CNTN5: variants seen among roughly 807,000 people sequenced by gnomAD.
CNTN5 encodes the protein contactin-5.
In CNTN5, 77 loss-of-function variants were observed where a neutral mutation model predicts 129.1. That is an observed-to-expected ratio of 0.60 (90% CI 0.50 to 0.72). The LOEUF is 0.72. Ranked by LOEUF, CNTN5 falls within the 30% of genes least tolerant of loss-of-function variation. The probability of loss-of-function intolerance (pLI) is 0.00; values close to 1 mark genes in which losing one functional copy is unlikely to be tolerated. For synonymous variants in CNTN5, 509 were observed against 465.6 expected (o/e 1.09, Z -1.20); for missense variants, 1,478 against 1,328.8 (o/e 1.11, Z -1.75).
rs1029761448 is a variant in CNTN5 at position 99,540,911 on chromosome 11, A to G, written c.-70-15234A>G. Among the ~76,000 whole-genome samples the G allele has an allele frequency of 3.9e-4, 60 of 152,300 alleles. 2 individuals carry two copies. The highest frequency in any genetic ancestry group is 1.3e-3 in the African/African-American group (55 of 41,586). ...TTTAGAAGTATCTTGATAAACATCC[A>G]AAGCAGTCTGAAATGTATTCTGTAG... On this transcript the variant is annotated intron_variant, in intron 2 of 24. Transcript: ENST00000524871.
At chr11:99,287,169 A>C (rs11219205) in intron 1 of CNTN5, among the ~76,000 whole-genome samples, 2,160 of 152,268 alleles carry the variant, frequency 0.014, 24 homozygotes, top group Middle Eastern at 0.037. Context: ...AAAACTCAGA[A>C]TACTGTAAGT....
chr11:99,317,996 T>G (rs1865414953), intron 1 of CNTN5, among the ~76,000 whole-genome samples: 1 of 152,142 alleles, frequency 6.6e-6, no homozygotes, highest in Admixed American at 6.6e-5. Context: ...GGTGGTGTGG[T>G]CCTAGACTGA....
chr11:99,232,166 T>C (rs569962825), intron 1 of CNTN5, among the ~76,000 whole-genome samples: 1 of 152,284 alleles, frequency 6.6e-6, no homozygotes, highest in East Asian at 1.9e-4. Flanking sequence ...TTTAAAATAG[T>C]TTTTCTCTAA....
intron 9 of CNTN5, among the ~76,000 whole-genome samples, chr11:100,032,079 C>T (rs1322333762): frequency 6.6e-6 from 1 of 152,146 alleles, no homozygotes; most frequent in Non-Finnish European, 1.5e-5. Flanking sequence ...TCTAATGCAC[C>T]TAACCATATA....
intron 2 of CNTN5, among the ~76,000 whole-genome samples, chr11:99,370,953 G>T (rs1482263290): frequency 1.3e-5 from 2 of 152,178 alleles, no homozygotes; most frequent in Non-Finnish European, 2.9e-5. Flanking sequence ...GGGTATTCGT[G>T]GCACTTGATT....
chr11:99,857,151 G>A (rs913907890), intron 6 of CNTN5, among the ~76,000 whole-genome samples: 2 of 150,130 alleles, frequency 1.3e-5, no homozygotes, highest in African/African-American at 4.9e-5. Context: ...TATTTCTGGT[G>A]ACATTTCATT....
At chr11:99,973,720 TTTA>T (rs1937737569) in intron 8 of CNTN5, among the ~76,000 whole-genome samples, 1 of 152,218 alleles carries the variant, frequency 6.6e-6, no homozygotes, top group Admixed American at 6.5e-5. Context: ...GGATTCTGGA[TTTA>T]TTATTTTGTG....
chr11:99,945,863 C>T (rs1831051256), intron 7 of CNTN5, among the ~76,000 whole-genome samples: 1 of 152,050 alleles, frequency 6.6e-6, no homozygotes. Flanking sequence ...ACTTAATACA[C>T]ATTTCATGTC....
intron 12 of CNTN5, among the ~76,000 whole-genome samples, chr11:100,073,073 A>G (rs1943992402): frequency 6.9e-6 from 1 of 145,514 alleles, no homozygotes; most frequent in Non-Finnish European, 1.5e-5. Flanking sequence ...CTTTGAGACA[A>G]AATCTCACTG....
At chr11:99,311,148 C>G (rs1428961570) in intron 1 of CNTN5, among the ~76,000 whole-genome samples, 1 of 151,730 alleles carries the variant, frequency 6.6e-6, no homozygotes, top group African/African-American at 2.4e-5. Context: ...AGGCTGGTGT[C>G]GATCTCCTGA....
intron 2 of CNTN5, among the ~76,000 whole-genome samples, chr11:99,523,679 CAGAACAGAACAGAACAGAAT>C (rs1565258776): frequency 8.2e-5 from 6 of 72,792 alleles, no homozygotes; most frequent in African/African-American, 4.0e-4. Flanking sequence ...CAGAACAGAA[CAGAACAGAACAGAACAGAAT>C]AGAACAGAAT....
At chr11:99,471,779 A>G (rs1478588021) in intron 2 of CNTN5, among the ~76,000 whole-genome samples, 1 of 152,062 alleles carries the variant, frequency 6.6e-6, no homozygotes, top group Admixed American at 6.6e-5. Flanking sequence ...ATTCCCTATC[A>G]TGATAGTAAC....
intron 1 of CNTN5, among the ~76,000 whole-genome samples, chr11:99,225,748 A>G (rs1461684): frequency 0.17 from 25,638 of 152,148 alleles, 2,387 homozygotes; most frequent in African/African-American, 0.24. Context: ...TTTTATATAC[A>G]TGGTTGAAAA....
At chr11:100,286,223 G>T (rs1394921523) in intron 18 of CNTN5, among the ~76,000 whole-genome samples, 5 of 152,238 alleles carry the variant, frequency 3.3e-5, no homozygotes, top group African/African-American at 1.2e-4. Context: ...AAACAAAGCA[G>T]CAGGGAAGCT....
intron 1 of CNTN5, among the ~76,000 whole-genome samples, chr11:99,247,652 C>T (rs1301754025): frequency 6.6e-6 from 1 of 151,950 alleles, no homozygotes; most frequent in African/African-American, 2.4e-5. Context: ...TGATGTTCCC[C>T]TTCCTGTGTC....
intron 2 of CNTN5, among the ~76,000 whole-genome samples, chr11:99,522,459 C>A (rs1023422794): frequency 6.6e-6 from 1 of 151,896 alleles, no homozygotes; most frequent in Admixed American, 6.6e-5. Context: ...TTCTAGTATA[C>A]TACTGGAACA....
In CNTN5 at chr11:100,299,210, G is replaced by T. The variant is rs748577605; in HGVS notation, c.2434G>T (p.Ala812Ser). 4.3e-6 allele frequency: 7 copies of T among 1,609,742 alleles called. No homozygotes were observed. Among genetic ancestry groups the T allele is most frequent in the Middle Eastern group, 3.3e-4 (2 of 6,046 alleles). ...TGGGGAAGGCTTCGGCTATATTGTG[G>T]CTTTCAGACCCAATGGAACACGTGG... is the stretch of plus-strand genomic sequence containing the variant. ...QNGEGFGYIV[A>S]FRPNGTRGWK... The change falls in exon 20 of 25, where the codon GCT (alanine) becomes TCT (serine). Residue 812 changes from alanine (A) to serine (S), a missense_variant. Physicochemically the swap from Ala to Ser is moderately conservative, Grantham distance 99. Coordinates refer to ENST00000524871, the MANE Select transcript of CNTN5 (RefSeq NM_014361.4).
intron 3 of CNTN5, among the ~76,000 whole-genome samples, chr11:99,600,985 C>G (rs945987526): frequency 6.6e-6 from 1 of 152,080 alleles, no homozygotes; most frequent in South Asian, 2.1e-4. Flanking sequence ...GGCTTAGGAC[C>G]CTTCTCTCCT....
At chr11:99,654,245 ATTGT>A (rs1362617014) in intron 3 of CNTN5, among the ~76,000 whole-genome samples, 2 of 152,098 alleles carry the variant, frequency 1.3e-5, no homozygotes, top group East Asian at 3.9e-4. Context: ...GTGTATTAGA[ATTGT>A]TTAATTTATG....
Sources: allele counts gnomAD v4.1 joint callset (sites outside exome capture counted in the v4.1 genomes callset), GRCh38; gene constraint gnomAD v4.1.1; transcripts MANE v1.5; gene names NCBI Gene and HGNC (gene_info 2026-07-23, HGNC 2026-07-21).